Variants in SRRM4 observed in about 807,000 individuals in gnomAD.
SRRM4 encodes serine/arginine repetitive matrix 4, also known as serine/arginine repetitive matrix protein 4.
Under a neutral mutation model 68.9 loss-of-function variants are expected in SRRM4, and 33 were observed. The observed-to-expected ratio is 0.48, with a 90% confidence interval of 0.36 to 0.64. The LOEUF (loss-of-function observed/expected upper bound fraction) is 0.64, where lower values mean the gene tolerates loss of function less well. Ranked by LOEUF, SRRM4 falls within the 30% of genes least tolerant of loss-of-function variation. The pLI is 0.00. For synonymous variants in SRRM4, 318 were observed against 318.8 expected, an observed-to-expected ratio of 1.00 and a Z score of 0.03; for missense variants, 817 against 827.1, an observed-to-expected ratio of 0.99 and a Z score of 0.15.
chr12:118,995,731 A>T (rs1953345374), intron 1 of SRRM4, among the ~76,000 whole-genome samples: 1 of 152,214 alleles, frequency 6.6e-6, no homozygotes, highest in Non-Finnish European at 1.5e-5. Context: ...AATCATGGTT[A>T]TTCTTCAGAT....
rs1325090272 is a variant in SRRM4, at chr12:118,981,682, C to G, written c.-201C>G. The G allele has an allele frequency of 1.5e-5, 9 of 593,408 alleles. No homozygotes were observed. In the South Asian group the frequency reaches 1.6e-4, roughly 10 times the overall value. 36.8% of individuals were successfully genotyped at this position (593,408 alleles called of 1,614,324 possible). On this transcript the variant is annotated 5_prime_UTR_variant, in exon 1 of 13. Transcript: ENST00000267260. Reference sequence around the variant, plus strand: ...AGCCGACCCAGAAGGGCGAAGAAAGCCCAGCGGACGAGCCTCCTTTCTCTG... The same window carrying G: ...AGCCGACCCAGAAGGGCGAAGAAAGGCCAGCGGACGAGCCTCCTTTCTCTG...
chr12:119,013,387 A>G (rs1283978692), intron 1 of SRRM4, among the ~76,000 whole-genome samples: 1 of 152,214 alleles, frequency 6.6e-6, no homozygotes, highest in African/African-American at 2.4e-5. Context: ...GTACTGAATG[A>G]TCTGCTTTCT....
chr12:119,026,038 G>A (rs1953546433), intron 1 of SRRM4, among the ~76,000 whole-genome samples: 1 of 151,924 alleles, frequency 6.6e-6, no homozygotes, highest in Non-Finnish European at 1.5e-5. Flanking sequence ...TCTTCCACAA[G>A]GTCAGGGCTC....
At position 119,156,611 on chromosome 12, in the gene SRRM4, C is replaced by G; in HGVS notation, c.1649C>G (p.Ser550Cys). ...AGCCGCTCGGCCAGCCGCAGCTACT[C>G]CCGGAGCCGGAGTCGGAGCCGGAGC... The part of the protein sequence containing the change: ...SSSRSASRSY[S>C]RSRSRSRSRR... Residue 550 changes from serine (S) to cysteine (C), a missense_variant, in exon 13 of 13, where the codon TCC becomes TGC. Ser to Cys is a moderately radical substitution (Grantham distance 112). Transcript: ENST00000267260. 1 of 1,610,272 alleles carries G rather than the reference C, an allele frequency of 6.2e-7. No homozygotes were observed. Among genetic ancestry groups the G allele is most frequent in the South Asian group, 1.1e-5 (1 of 90,546 alleles).
chr12:119,054,219 A>G (rs992278936), intron 1 of SRRM4, among the ~76,000 whole-genome samples: 10 of 152,172 alleles, frequency 6.6e-5, no homozygotes, highest in African/African-American at 2.2e-4. Flanking sequence ...ATGGGATCTC[A>G]TTCTTTTTAT....
intron 1 of SRRM4, among the ~76,000 whole-genome samples, chr12:119,061,765 T>C (rs1450215061): frequency 6.6e-6 from 1 of 152,050 alleles, no homozygotes; most frequent in Non-Finnish European, 1.5e-5. Flanking sequence ...CATATGGGGC[T>C]GGATAATTAT....
At chr12:119,024,933 G>A (rs1194999909) in intron 1 of SRRM4, among the ~76,000 whole-genome samples, 2 of 152,200 alleles carry the variant, frequency 1.3e-5, no homozygotes, top group African/African-American at 4.8e-5. Flanking sequence ...GCCAGGGCCT[G>A]TTCTGGGGAC....
intron 1 of SRRM4, among the ~76,000 whole-genome samples, chr12:119,019,864 A>G (rs1953503533): frequency 6.6e-6 from 1 of 151,578 alleles, no homozygotes; most frequent in East Asian, 1.9e-4. Context: ...GAAGCCTGAG[A>G]GATCTCATAA....
intron 1 of SRRM4, among the ~76,000 whole-genome samples, chr12:119,020,998 T>C (rs1481761733): frequency 6.6e-6 from 1 of 152,078 alleles, no homozygotes; most frequent in Non-Finnish European, 1.5e-5. Flanking sequence ...AGGCGCTGTG[T>C]TCTGCTGGTT....
At chr12:119,133,231 C>A (rs909946844) in intron 8 of SRRM4, 2 of 152,290 alleles carry the variant, frequency 1.3e-5, no homozygotes, top group Admixed American at 1.3e-4. Flanking sequence ...TAGAGTATAA[C>A]AGGCAAGAAG....
At chr12:119,045,795 T>C (rs1027752664) in intron 1 of SRRM4, among the ~76,000 whole-genome samples, 4 of 152,058 alleles carry the variant, frequency 2.6e-5, no homozygotes, top group African/African-American at 4.8e-5. Flanking sequence ...CCCAGCACTT[T>C]GGGAGGCCAA....
At chr12:119,017,947 A>T (rs922054712) in intron 1 of SRRM4, among the ~76,000 whole-genome samples, 1 of 152,296 alleles carries the variant, frequency 6.6e-6, no homozygotes, top group Admixed American at 6.5e-5. Flanking sequence ...CAGGTTAGTT[A>T]ACCCATCTGA....
intron 1 of SRRM4, among the ~76,000 whole-genome samples, chr12:119,088,431 T>A (rs2136035421): frequency 6.6e-6 from 1 of 152,342 alleles, no homozygotes; most frequent in East Asian, 1.9e-4. Context: ...TTGAAGTTAC[T>A]GAGCCTCCTT....
At chr12:119,095,865 C>G (rs1487192260) in intron 1 of SRRM4, among the ~76,000 whole-genome samples, 2 of 147,724 alleles carry the variant, frequency 1.4e-5, no homozygotes, top group Admixed American at 6.9e-5. Flanking sequence ...GAAGCTGAAG[C>G]AGGAGAATCA....
rs1954475334 is a variant in SRRM4, at chr12:119,156,713, G to A, written c.1751G>A (p.Arg584Gln). The stretch of plus-strand genomic sequence containing the variant: ...AGTCCGGGCTCCCGCAGCCGGAGCC[G>A]GAGCAGGAGCCGGAGCCGGAGCCGG... ...SPSPGSRSRS[R>Q]SRSRSRSRSR... Residue 584 changes from arginine (R) to glutamine (Q), a missense_variant, in exon 13 of 13, where the codon CGG (arginine) becomes CAG (glutamine). By Grantham distance (43) the Arg-to-Gln change is conservative (BLOSUM62 1). Transcript: ENST00000267260. 6.5e-7 allele frequency: 1 copy of A among 1,547,808 alleles called. No individual in the cohort carries two copies. Among genetic ancestry groups the A allele is most frequent in the Admixed American group, 2.0e-5 (1 of 50,906 alleles).
At chr12:119,075,452 GTGATGATGGTGA>G (rs1307530206) in intron 1 of SRRM4, among the ~76,000 whole-genome samples, 42 of 114,712 alleles carry the variant, frequency 3.7e-4, no homozygotes, top group African/African-American at 1.4e-3. Context: ...GATGATGATG[GTGATGATGGTGA>G]TGATGATGGT....
chr12:119,104,699 AT>A (rs1484722136), intron 2 of SRRM4, among the ~76,000 whole-genome samples: 1 of 151,958 alleles, frequency 6.6e-6, no homozygotes, highest in Non-Finnish European at 1.5e-5. Flanking sequence ...TAGACTTTAA[AT>A]CTAGGTTTGT....
chr12:119,084,728 A>G (rs1306504853), intron 1 of SRRM4, among the ~76,000 whole-genome samples: 2 of 152,020 alleles, frequency 1.3e-5, no homozygotes, highest in South Asian at 2.1e-4. Context: ...GTGGGGCAAA[A>G]TAGAGAATTG....
At chr12:119,137,926 C>A (rs1042024456) in intron 8 of SRRM4, among the ~76,000 whole-genome samples, 3 of 151,728 alleles carry the variant, frequency 2.0e-5, no homozygotes, top group African/African-American at 7.3e-5. Flanking sequence ...CTTCACAGAT[C>A]TGGAAGGAAG....
Sources: allele counts gnomAD v4.1 joint callset (sites outside exome capture counted in the v4.1 genomes callset), GRCh38; gene constraint gnomAD v4.1.1; transcripts MANE v1.5; gene names NCBI Gene and HGNC (gene_info 2026-07-23, HGNC 2026-07-21).